Variants in SFT2D2 observed in about 807,000 individuals in gnomAD.
SFT2D2 encodes vesicle transport protein SFT2B.
In SFT2D2, 21 loss-of-function variants were observed where a neutral mutation model predicts 27.4. That is an observed-to-expected ratio of 0.77 (90% CI 0.54 to 1.10). SFT2D2 has a LOEUF of 1.10. SFT2D2 is among the 50% of genes least tolerant of loss of function. The pLI is 0.00. For missense variants in SFT2D2, 187 were observed against 194.2 expected (o/e 0.96, Z 0.22); for synonymous variants, 72 against 71.7 (o/e 1.00, Z -0.02).
chr1:168,240,407 T>A (rs1362412308), intron 7 of SFT2D2, among the ~76,000 whole-genome samples: 1 of 152,074 alleles, frequency 6.6e-6, no homozygotes. Flanking sequence ...CATGCAGACC[T>A]GGCTGGTTTT....
At chr1:168,229,634 TC>T (rs1036918275) in intron 1 of SFT2D2, 1 of 152,390 alleles carries the variant, frequency 6.6e-6, no homozygotes, top group African/African-American at 2.4e-5. Flanking sequence ...CCACTCTTCT[TC>T]CTACGAACAA....
At chr1:168,228,185 G>A (rs545039103) in intron 1 of SFT2D2, among the ~76,000 whole-genome samples, 48 of 152,284 alleles carry the variant, frequency 3.2e-4, no homozygotes, top group Non-Finnish European at 6.3e-4. Context: ...TCATCTTGCA[G>A]GCTGTTTCAG....
rs373977768 is a variant in SFT2D2 at position 168,246,679 on chromosome 1, G to A, written c.*4139G>A. ...GTGACTTTGATCATGATCATGTAGA[G>A]CAACATTCAGTCTACGATGGTATGA... On this transcript the variant is annotated 3_prime_UTR_variant, in exon 8 of 8. Transcript: ENST00000271375. The A allele has an allele frequency of 8.6e-7, 1 of 1,168,388 alleles. No individual in the cohort carries two copies. Among genetic ancestry groups the A allele is most frequent in the Non-Finnish European group, 1.3e-6 (1 of 795,550 alleles). 72.4% of individuals were successfully genotyped at this position (1,168,388 alleles called of 1,614,324 possible).
chr1:168,231,639 T>A (rs780317414), intron 2 of SFT2D2, 39 bp downstream of exon 2: 29 of 1,592,032 alleles, frequency 1.8e-5, no homozygotes, highest in Non-Finnish European at 2.4e-5. Context: ...TCCTTCTACC[T>A]GTCTTTGCTA....
intron 7 of SFT2D2, among the ~76,000 whole-genome samples, chr1:168,239,607 T>C (rs1647592315): frequency 1.3e-5 from 2 of 152,040 alleles, no homozygotes; most frequent in Non-Finnish European, 2.9e-5. Flanking sequence ...GTACCAGGGC[T>C]TCCTAATTAG....
chr1:168,241,334 T>C lies in SFT2D2; in HGVS notation c.444-1167T>C, dbSNP rs1647639172. On this transcript the variant is annotated intron_variant, in intron 7 of 7. Coordinates refer to ENST00000271375, the MANE Select transcript of SFT2D2 (RefSeq NM_199344.3). The stretch of plus-strand genomic sequence containing the variant: ...AGCTGTTCTCCTGCCTCAGCCTCCA[T>C]GTGCACGCCACCATGCCAGGCTCAT... 2.0e-5 allele frequency among the ~76,000 whole-genome samples: 3 copies of C among 149,230 alleles called. No individual in the cohort carries two copies. The South Asian group carries it at 6.5e-4, about 32-fold the overall frequency.
intron 3 of SFT2D2, 124 bp from the exon 4 acceptor site, chr1:168,234,977 A>G: frequency 1.2e-6 from 1 of 854,802 alleles, no homozygotes; most frequent in East Asian, 2.4e-5. Flanking sequence ...GCCCTTCAGC[A>G]CAGTCAGAAT....
Position 168,246,076 on chromosome 1 carries a change from G to A in SFT2D2, c.*3536G>A, listed in dbSNP as rs1359573619. 2.2e-5 allele frequency: 5 copies of A among 231,860 alleles called. No homozygotes were observed. The highest frequency in any genetic ancestry group is 2.4e-5 in the African/African-American group (1 of 42,034). The allele number at this position is 231,860 out of a possible 1,614,324, so 14.4% of individuals were successfully genotyped here. On this transcript the variant is annotated 3_prime_UTR_variant, in exon 8 of 8. Coordinates refer to ENST00000271375, the MANE Select transcript of SFT2D2 (RefSeq NM_199344.3). The stretch of plus-strand genomic sequence containing the variant: ...GCTTTTGTTGTTGATTGTTTAGGAC[G>A]TCACCCTGTTTTTGTTGAAGTTGTC...
rs1647782403 is a variant in SFT2D2, at chr1:168,245,443, G to A, written c.*2903G>A. The A allele has an allele frequency of 6.6e-6, 1 of 151,708 alleles. No individual in the cohort carries two copies. Among genetic ancestry groups the A allele is most frequent in the Non-Finnish European group, 1.5e-5 (1 of 67,942 alleles). 9.4% of individuals were successfully genotyped at this position (151,708 alleles called of 1,614,324 possible). A position where few individuals can be genotyped will look rare whatever the true frequency, so the allele number is the denominator to read the frequency against. On this transcript the variant is annotated 3_prime_UTR_variant, in exon 8 of 8. Transcript: ENST00000271375. ...ACTGATAACTAAAAAGCATTGCTAAGAAAAATTAAGACCTAAGTAAATATC... is the reference window on the plus strand; with the variant it reads ...ACTGATAACTAAAAAGCATTGCTAAAAAAAATTAAGACCTAAGTAAATATC...
chr1:168,229,382 A>G (rs1168238323), intron 1 of SFT2D2, among the ~76,000 whole-genome samples: 2 of 152,236 alleles, frequency 1.3e-5, no homozygotes, highest in African/African-American at 2.4e-5. Flanking sequence ...GTCAAAGCCA[A>G]TTCAAATTTC....
chr1:168,237,804 G>T (rs1253917137), intron 6 of SFT2D2, among the ~76,000 whole-genome samples: 2 of 151,400 alleles, frequency 1.3e-5, no homozygotes, highest in Non-Finnish European at 2.9e-5. Flanking sequence ...TACATGTTAA[G>T]TATAAGATAT....
rs139098348 is a variant in SFT2D2 at position 168,226,085 on chromosome 1, C to T, written c.6C>T (p.Asp2=). The part of the protein sequence containing the change: M[D]KLKKVLSGQD... ...CTGGTGGGGACTGGGCCGCAATGGA[C>T]AAGCTGAAGAAGGTGCTGAGCGGGC... Residue 2 remains aspartate (D), a synonymous_variant, in exon 1 of 8, where the codon GAC becomes GAT. Transcript: ENST00000271375. The T allele has an allele frequency of 1.3e-6, 2 of 1,533,666 alleles. No individual in the cohort carries two copies. The highest frequency in any genetic ancestry group is 2.8e-5 in the African/African-American group (2 of 71,460).
rs1207198794 is a variant in SFT2D2, at chr1:168,228,801, C to T, written c.63+2659C>T. 2.6e-5 allele frequency among the ~76,000 whole-genome samples: 4 copies of T among 152,184 alleles called. No homozygotes were observed. In the East Asian group the frequency reaches 5.8e-4, roughly 22 times the overall value. ...AACTGCCAGTCAGACTGCCTGTGAG[C>T]GCATTGCCTACAAATTCCATCCAGG... On this transcript the variant is annotated intron_variant, in intron 1 of 7. Coordinates refer to ENST00000271375, the MANE Select transcript of SFT2D2 (RefSeq NM_199344.3).
At chr1:168,227,241 A>G (rs1448813175) in intron 1 of SFT2D2, among the ~76,000 whole-genome samples, 1 of 152,218 alleles carries the variant, frequency 6.6e-6, no homozygotes, top group East Asian at 1.9e-4. Flanking sequence ...TTGGATGACA[A>G]AATAACGTTT....
chr1:168,239,076 A>G (rs908672604), intron 6 of SFT2D2, 55 bp from the exon 7 acceptor site: 9 of 1,360,278 alleles, frequency 6.6e-6, no homozygotes, highest in Middle Eastern at 3.6e-4. Flanking sequence ...ATTCTGCTGG[A>G]TAATCTGCTA....
chr1:168,233,210 G>T (rs545985000), intron 3 of SFT2D2, among the ~76,000 whole-genome samples: 2 of 152,242 alleles, frequency 1.3e-5, no homozygotes, highest in African/African-American at 4.8e-5. Context: ...TGTTTTCTGT[G>T]CCTGGAATGC....
At chr1:168,240,455 G>C (rs1387399141) in intron 7 of SFT2D2, among the ~76,000 whole-genome samples, 2 of 152,138 alleles carry the variant, frequency 1.3e-5, no homozygotes, top group Admixed American at 6.5e-5. Context: ...TATGGGCAGG[G>C]ATGTCCTGGG....
intron 4 of SFT2D2, among the ~76,000 whole-genome samples, chr1:168,235,840 G>A (rs1340334813): frequency 2.0e-5 from 3 of 152,194 alleles, no homozygotes. Context: ...TTTGGAACTT[G>A]AAGAACATAC....
At position 168,236,608 on chromosome 1, in the gene SFT2D2, T is replaced by C; in HGVS notation, c.338T>C (p.Leu113Pro). 6.2e-7 allele frequency: 1 copy of C among 1,613,648 alleles called. No individual in the cohort carries two copies. Among genetic ancestry groups the C allele is most frequent in the Non-Finnish European group, 8.5e-7 (1 of 1,179,958 alleles). Residue 113 changes from leucine to proline, a missense_variant, in exon 5 of 8, where the codon CTG becomes CCG. Leu to Pro is a moderately conservative substitution (Grantham distance 98, BLOSUM62 -3). Transcript: ENST00000271375. ...IMVLLCFALT[L>P]CSAFWWHNKG... ...CTTTAGTTGTGTTTTGCACTTACCCTGTGTTCTGCCTTTTGGGTAAATGTA... is the reference window on the plus strand; with the variant it reads ...CTTTAGTTGTGTTTTGCACTTACCCCGTGTTCTGCCTTTTGGGTAAATGTA...
Sources: gnomAD v4.1 joint callset for allele counts (sites outside exome capture counted in the v4.1 genomes callset) on GRCh38, gnomAD v4.1.1 for gene constraint, MANE v1.5 for transcripts, NCBI Gene and HGNC (gene_info 2026-07-23, HGNC 2026-07-21) for gene names.